NELL1: variants seen among roughly 807,000 people sequenced by gnomAD.
NELL1 encodes neural EGFL like 1.
Under a neutral mutation model 107.4 loss-of-function variants are expected in NELL1, and 76 were observed. The observed-to-expected ratio is 0.71, with a 90% confidence interval of 0.59 to 0.86. NELL1 has a LOEUF of 0.86. Among genes scored for constraint, NELL1 ranks in the 40% least tolerant of loss-of-function variants. NELL1 has a pLI of 0.00. For missense variants in NELL1, 1,024 were observed against 1,005.5 expected, an observed-to-expected ratio of 1.02 and a Z score of -0.25; for synonymous variants, 353 against 341.2, an observed-to-expected ratio of 1.03 and a Z score of -0.38.
At chr11:21,154,948 G>T (rs992909116) in intron 13 of NELL1, among the ~76,000 whole-genome samples, 3 of 152,176 alleles carry the variant, frequency 2.0e-5, no homozygotes, top group Admixed American at 2.0e-4. Flanking sequence ...ATAGGACTGG[G>T]TTGTAAGCAA....
intron 15 of NELL1, among the ~76,000 whole-genome samples, chr11:21,451,185 TAAAAAAAAAAAAAAAAAGAAAAA>T (rs1213725583): frequency 9.8e-6 from 1 of 101,632 alleles, no homozygotes; most frequent in Non-Finnish European, 1.8e-5. Flanking sequence ...AGACTCCGTC[TAAAAAAAAAAAAAAAAAGAAAAA>T]AAAAAGAAAA....
chr11:20,705,823 AAATC>A (rs1440454199), intron 2 of NELL1, among the ~76,000 whole-genome samples: 2 of 151,842 alleles, frequency 1.3e-5, no homozygotes, highest in Non-Finnish European at 1.5e-5. Context: ...TTACAAGAAA[AAATC>A]AAACAACCCC....
chr11:20,779,348 G>A (rs1263124174), intron 2 of NELL1, among the ~76,000 whole-genome samples: 1 of 152,136 alleles, frequency 6.6e-6, no homozygotes, highest in Non-Finnish European at 1.5e-5. Flanking sequence ...TTTTATCTGT[G>A]TTCAACACAC....
At chr11:20,950,630 G>A (rs1223330542) in intron 11 of NELL1, among the ~76,000 whole-genome samples, 2 of 152,120 alleles carry the variant, frequency 1.3e-5, no homozygotes, top group African/African-American at 4.8e-5. Flanking sequence ...CCCCTTCTCT[G>A]AAACAGAAAG....
intron 14 of NELL1, among the ~76,000 whole-genome samples, chr11:21,343,259 T>C (rs531729102): frequency 6.6e-6 from 1 of 152,148 alleles, no homozygotes; most frequent in Non-Finnish European, 1.5e-5. Flanking sequence ...ACTTATATAA[T>C]TCAGCTGCTT....
chr11:21,017,796 GTCT>G (rs533609952), intron 12 of NELL1, among the ~76,000 whole-genome samples: 7 of 152,022 alleles, frequency 4.6e-5, no homozygotes, highest in Non-Finnish European at 7.4e-5. Flanking sequence ...GATCATGTCT[GTCT>G]TCTTATCACG....
At chr11:20,849,711 C>A (rs1176239126) in intron 4 of NELL1, among the ~76,000 whole-genome samples, 3 of 152,132 alleles carry the variant, frequency 2.0e-5, no homozygotes, top group Non-Finnish European at 4.4e-5. Flanking sequence ...ACTCTAAACA[C>A]AAATACATTT....
intron 15 of NELL1, among the ~76,000 whole-genome samples, chr11:21,517,376 C>T (rs767916578): frequency 8.5e-5 from 13 of 152,104 alleles, no homozygotes; most frequent in South Asian, 2.1e-4. Context: ...AATAAACCTT[C>T]GACTGGGTAT....
At chr11:21,027,196 C>G (rs1024645984) in intron 12 of NELL1, among the ~76,000 whole-genome samples, 1 of 152,130 alleles carries the variant, frequency 6.6e-6, no homozygotes, top group African/African-American at 2.4e-5. Context: ...ATAACTCTGC[C>G]ATGAGACAGA....
intron 12 of NELL1, among the ~76,000 whole-genome samples, chr11:21,052,266 A>G (rs1192186070): frequency 1.3e-5 from 2 of 152,092 alleles, no homozygotes; most frequent in Non-Finnish European, 2.9e-5. Flanking sequence ...ACATCATTGT[A>G]AGACCTTTTG....
intron 12 of NELL1, among the ~76,000 whole-genome samples, chr11:21,055,926 T>C (rs1853604818): frequency 1.3e-5 from 2 of 152,322 alleles, no homozygotes; most frequent in South Asian, 2.1e-4. Context: ...AACAGCAATA[T>C]TGACTTCCAC....
At chr11:20,848,148 G>C (rs1343840639) in intron 4 of NELL1, among the ~76,000 whole-genome samples, 3 of 152,204 alleles carry the variant, frequency 2.0e-5, no homozygotes, top group Non-Finnish European at 2.9e-5. Flanking sequence ...ATGAATCTGA[G>C]AAGCCTGTGC....
chr11:21,555,354 G>A (rs1856680938), intron 16 of NELL1, among the ~76,000 whole-genome samples: 1 of 151,888 alleles, frequency 6.6e-6, no homozygotes, highest in Admixed American at 6.6e-5. Context: ...TAGTGGTTAT[G>A]AGAGACTTCA....
At chr11:20,881,413 A>C (rs1849404638) in intron 4 of NELL1, among the ~76,000 whole-genome samples, 1 of 152,190 alleles carries the variant, frequency 6.6e-6, no homozygotes, top group Non-Finnish European at 1.5e-5. Context: ...CAAGGTGGTC[A>C]ATAGTACAGA....
At chr11:20,753,146 C>G (rs7944599) in intron 2 of NELL1, among the ~76,000 whole-genome samples, 1 of 152,208 alleles carries the variant, frequency 6.6e-6, no homozygotes, top group East Asian at 1.9e-4. Context: ...AGATGAATCT[C>G]ATCCAAAGAA....
At chr11:21,137,085 A>AT (rs1431621497) in intron 13 of NELL1, among the ~76,000 whole-genome samples, 3 of 152,124 alleles carry the variant, frequency 2.0e-5, no homozygotes, top group South Asian at 2.1e-4. Context: ...AGCAGTGGAG[A>AT]TTTTCTCTTC....
At chr11:21,223,018 G>T (rs567502495) in intron 13 of NELL1, among the ~76,000 whole-genome samples, 1 of 152,090 alleles carries the variant, frequency 6.6e-6, no homozygotes, top group Non-Finnish European at 1.5e-5. Context: ...ATGCTTTGTC[G>T]TTGGATATAT....
intron 12 of NELL1, among the ~76,000 whole-genome samples, chr11:20,962,042 ATAAT>A (rs751241568): frequency 6.6e-6 from 1 of 151,872 alleles, no homozygotes; most frequent in Non-Finnish European, 1.5e-5. Flanking sequence ...ATAATATATA[ATAAT>A]TTTGTCTTCT....
chr11:21,440,804 A>C (rs1366739097), intron 15 of NELL1, among the ~76,000 whole-genome samples: 1 of 152,132 alleles, frequency 6.6e-6, no homozygotes, highest in Non-Finnish European at 1.5e-5. Flanking sequence ...GTAGGAACAA[A>C]GATATTAATT....
Sources: gnomAD v4.1 joint callset for allele counts (sites outside exome capture counted in the v4.1 genomes callset) on GRCh38, gnomAD v4.1.1 for gene constraint, MANE v1.5 for transcripts, NCBI Gene and HGNC (gene_info 2026-07-23, HGNC 2026-07-21) for gene names.